Variants in SH3RF3 observed in about 807,000 individuals in gnomAD.
SH3RF3 encodes SH3 domain containing ring finger 3.
In SH3RF3, 29 loss-of-function variants were observed where a neutral mutation model predicts 66.3. The ratio of observed to expected loss-of-function variants is 0.44; its 90% CI spans 0.33 to 0.60. The LOEUF (loss-of-function observed/expected upper bound fraction) is 0.60, where lower values mean the gene tolerates loss of function less well. Among genes scored for constraint, SH3RF3 ranks in the 20% least tolerant of loss-of-function variants. The pLI is 0.04. For synonymous variants in SH3RF3, 583 were observed against 532.0 expected (o/e 1.10, Z -1.32); for missense variants, 1,194 against 1,190.9 (o/e 1.00, Z -0.04).
chr2:109,423,853 C>T (rs1676956838), intron 5 of SH3RF3, among the ~76,000 whole-genome samples: 1 of 152,260 alleles, frequency 6.6e-6, no homozygotes, highest in Admixed American at 6.5e-5. Flanking sequence ...CATCCCCACC[C>T]CTGCCGCCTG....
intron 3 of SH3RF3, among the ~76,000 whole-genome samples, chr2:109,390,377 C>G (rs1364167653): frequency 6.6e-6 from 1 of 152,244 alleles, no homozygotes; most frequent in African/African-American, 2.4e-5. Context: ...TCAGGCCGTT[C>G]TGCTGCTCCT....
At chr2:109,202,934 G>A (rs1313783943) in intron 1 of SH3RF3, among the ~76,000 whole-genome samples, 13 of 152,242 alleles carry the variant, frequency 8.5e-5, no homozygotes. Flanking sequence ...TGTCATGGAA[G>A]GAATGCAAAC....
chr2:109,364,872 C>G (rs1406981413), intron 2 of SH3RF3, among the ~76,000 whole-genome samples: 1 of 149,946 alleles, frequency 6.7e-6, no homozygotes, highest in African/African-American at 2.5e-5. Context: ...AGGCAGATTA[C>G]TTGAGGTCAG....
At chr2:109,224,543 G>A (rs888895545) in intron 1 of SH3RF3, among the ~76,000 whole-genome samples, 4 of 152,196 alleles carry the variant, frequency 2.6e-5, no homozygotes, top group African/African-American at 9.6e-5. Flanking sequence ...TGTGGCCGGC[G>A]TGGCTCAGGA....
intron 1 of SH3RF3, among the ~76,000 whole-genome samples, chr2:109,342,851 T>C (rs1455465940): frequency 1.3e-5 from 2 of 152,260 alleles, no homozygotes; most frequent in African/African-American, 4.8e-5. Flanking sequence ...AGCCATGAAA[T>C]TGACATTATA....
chr2:109,403,040 C>T (rs1676356877), intron 4 of SH3RF3, among the ~76,000 whole-genome samples: 1 of 152,130 alleles, frequency 6.6e-6, no homozygotes, highest in African/African-American at 2.4e-5. Flanking sequence ...CTTAGCTGGC[C>T]GAATTAAGGG....
chr2:109,447,904 T>G (rs955518131), intron 7 of SH3RF3, among the ~76,000 whole-genome samples: 1 of 152,224 alleles, frequency 6.6e-6, no homozygotes, highest in Non-Finnish European at 1.5e-5. Context: ...GTTCCAGTTT[T>G]GTAAACCTGG....
chr2:109,378,674 A>C (rs929323288), intron 3 of SH3RF3, among the ~76,000 whole-genome samples: 2 of 152,164 alleles, frequency 1.3e-5, no homozygotes, highest in African/African-American at 4.8e-5. Context: ...AGGCTTTGTT[A>C]GGCAGGGCCA....
chr2:109,424,437 A>C (rs187066235), intron 5 of SH3RF3, among the ~76,000 whole-genome samples: 28 of 152,100 alleles, frequency 1.8e-4, no homozygotes, highest in African/African-American at 6.8e-4. Flanking sequence ...GGCAAACCTC[A>C]TTTCATCGCA....
intron 2 of SH3RF3, among the ~76,000 whole-genome samples, chr2:109,358,880 T>C (rs958679768): frequency 6.6e-6 from 1 of 152,214 alleles, no homozygotes; most frequent in Admixed American, 6.5e-5. Flanking sequence ...ATCTAGATTT[T>C]CTCCTACATT....
At chr2:109,220,742 G>A (rs1679210103) in intron 1 of SH3RF3, among the ~76,000 whole-genome samples, 1 of 152,162 alleles carries the variant, frequency 6.6e-6, no homozygotes, top group South Asian at 2.1e-4. Flanking sequence ...GTTAGAAGGG[G>A]CATTTTCCAA....
At chr2:109,491,912 C>T (rs553424204) in intron 9 of SH3RF3, among the ~76,000 whole-genome samples, 6 of 152,342 alleles carry the variant, frequency 3.9e-5, no homozygotes, top group East Asian at 3.9e-4. Context: ...CCCTCCCAGA[C>T]GCCATTCCCA....
At chr2:109,439,935 G>A (rs1677514153) in intron 7 of SH3RF3, among the ~76,000 whole-genome samples, 1 of 152,162 alleles carries the variant, frequency 6.6e-6, no homozygotes, top group Non-Finnish European at 1.5e-5. Context: ...ATTCCGACTG[G>A]GGAGGAAAAT....
At position 109,129,617 on chromosome 2, in the gene SH3RF3, G is replaced by A; in HGVS notation, c.77G>A (p.Arg26Lys). 6.7e-7 allele frequency: 1 copy of A among 1,490,262 alleles called. No individual in the cohort carries two copies. The highest frequency in any genetic ancestry group is 8.9e-7 in the Non-Finnish European group (1 of 1,127,966). 92.3% of individuals were successfully genotyped at this position (1,490,262 alleles called of 1,614,324 possible). A position where few individuals can be genotyped will look rare whatever the true frequency, so the allele number is the denominator to read the frequency against. Residue 26 changes from arginine to lysine, a missense_variant, in exon 1 of 10, where the codon AGG becomes AAG. Coordinates refer to ENST00000309415, the MANE Select transcript of SH3RF3 (RefSeq NM_001099289.3). ...GCGCAGAGCGAGGGCGACGAGGACA[G>A]GCCAGGCGAGCGACGGCGGCGTCGG... ...AAAQSEGDED[R>K]PGERRRRRAA...
chr2:109,404,392 C>T (rs1337019041), intron 4 of SH3RF3, among the ~76,000 whole-genome samples: 1 of 152,206 alleles, frequency 6.6e-6, no homozygotes, highest in East Asian at 1.9e-4. Flanking sequence ...AGGCCAGCGC[C>T]TGGCCTCTGA....
chr2:109,340,638 G>C (rs1682537319), intron 1 of SH3RF3, among the ~76,000 whole-genome samples: 1 of 152,164 alleles, frequency 6.6e-6, no homozygotes, highest in African/African-American at 2.4e-5. Flanking sequence ...TGGAACATCT[G>C]TTTGCCTCAG....
At chr2:109,159,115 TCAAAA>T (rs1421793113) in intron 1 of SH3RF3, among the ~76,000 whole-genome samples, 3 of 144,784 alleles carry the variant, frequency 2.1e-5, no homozygotes, top group Non-Finnish European at 4.6e-5. Context: ...AGATTCGGTC[TCAAAA>T]CAAAGAAACA....
At chr2:109,375,166 C>T (rs1315888739) in intron 3 of SH3RF3, among the ~76,000 whole-genome samples, 1 of 152,260 alleles carries the variant, frequency 6.6e-6, no homozygotes, top group Non-Finnish European at 1.5e-5. Flanking sequence ...CTTGCTGCCC[C>T]TGGGCACTGA....
chr2:109,270,183 GC>G (rs1430727890), intron 1 of SH3RF3, among the ~76,000 whole-genome samples: 8 of 152,192 alleles, frequency 5.3e-5, no homozygotes, highest in Admixed American at 5.2e-4. Context: ...TTGATGATCA[GC>G]AAATTGGGGC....
Sources: allele counts gnomAD v4.1 joint callset (sites outside exome capture counted in the v4.1 genomes callset), GRCh38; gene constraint gnomAD v4.1.1; transcripts MANE v1.5; gene names NCBI Gene and HGNC (gene_info 2026-07-23, HGNC 2026-07-21).